The following WRN variants were observed in gnomAD, a reference collection of about 807,000 sequenced individuals.
WRN encodes the protein WRN RecQ like helicase, also known as bifunctional 3'-5' exonuclease/ATP-dependent helicase WRN.
WRN carries 149 observed loss-of-function variants against 180.7 expected under a neutral mutation model. The ratio of observed to expected loss-of-function variants is 0.82; its 90% confidence interval spans 0.72 to 0.94. The LOEUF is 0.94. Among genes scored for constraint, WRN ranks in the 40% least tolerant of loss-of-function variants. The probability of loss-of-function intolerance (pLI) is 0.00; values close to 1 mark genes in which losing one functional copy is unlikely to be tolerated. For missense variants in WRN, 1,661 were observed against 1,700.1 expected (o/e 0.98, Z 0.40); for synonymous variants, 548 against 568.9 (o/e 0.96, Z 0.52).
chr8:31,050,712 T>G (rs569052207), intron 1 of WRN, among the ~76,000 whole-genome samples: 1 of 152,258 alleles, frequency 6.6e-6, no homozygotes, highest in East Asian at 1.9e-4. Flanking sequence ...GCTTTCTTCT[T>G]CAGAGAAACA....
intron 1 of WRN, among the ~76,000 whole-genome samples, chr8:31,035,750 A>G (rs1585378068): frequency 1.3e-5 from 2 of 152,288 alleles, no homozygotes; most frequent in East Asian, 3.9e-4. Context: ...TTGAGATATA[A>G]TTAATATATC....
Position 31,068,308 on chromosome 8 carries a change from A to G in WRN, c.705A>G (p.Gln235=), listed in dbSNP as rs2130056709. The change falls in exon 7 of 35, where the codon CAA becomes CAG. Residue 235 remains glutamine, a synonymous_variant. Transcript: ENST00000298139. Reference sequence around the variant, plus strand: ...TAGAGATTTTGGATGATACTGTGCAAAGGTTTGCTATAAATAAAGGTATGT... The same window carrying G: ...TAGAGATTTTGGATGATACTGTGCAGAGGTTTGCTATAAATAAAGGTATGT... ...RNLEILDDTV[Q]RFAINKEEEI... is the part of the protein sequence containing the mutation. 6.2e-7 allele frequency: 1 copy of G among 1,608,554 alleles called. No homozygotes were observed. Among genetic ancestry groups the G allele is most frequent in the Non-Finnish European group, 8.5e-7 (1 of 1,175,772 alleles).
In WRN at chr8:31,146,956, A is replaced by C; in HGVS notation, c.3384-97A>C. 4.0e-6 allele frequency: 4 copies of C among 1,004,336 alleles called. No individual in the cohort carries two copies. In the East Asian group the frequency reaches 1.1e-4, roughly 27 times the overall value. 62.2% of individuals were successfully genotyped at this position (1,004,336 alleles called of 1,614,324 possible). On this transcript the variant is annotated intron_variant, in intron 28 of 34. Transcript: ENST00000298139. ...GGTATCATGAAGAATAAATGTTTGT[A>C]CTGATTTGGAAAGACATTCTCATTT...
intron 18 of WRN, among the ~76,000 whole-genome samples, chr8:31,103,485 T>G (rs1800960009): frequency 6.6e-6 from 1 of 152,164 alleles, no homozygotes; most frequent in Admixed American, 6.5e-5. Context: ...ATTTTTCAGC[T>G]CCATTATAAT....
At chr8:31,105,150 T>C (rs1801045351) in intron 18 of WRN, among the ~76,000 whole-genome samples, 2 of 152,198 alleles carry the variant, frequency 1.3e-5, no homozygotes, top group Non-Finnish European at 1.5e-5. Context: ...AAGTTTATAT[T>C]GAGGGAAAAT....
intron 17 of WRN, among the ~76,000 whole-genome samples, chr8:31,100,589 G>A (rs994126423): frequency 5.3e-5 from 8 of 152,218 alleles, no homozygotes; most frequent in African/African-American, 1.7e-4. Context: ...AGTGATGAAA[G>A]CTGAGATCCA....
intron 23 of WRN, among the ~76,000 whole-genome samples, chr8:31,130,998 A>G (rs1377075512): frequency 1.3e-5 from 2 of 151,988 alleles, no homozygotes; most frequent in Non-Finnish European, 2.9e-5. Context: ...GTCAATCTAA[A>G]CATATTATTG....
chr8:31,141,838 A>G, intron 26 of WRN, 63 bp downstream of exon 26: 2 of 1,489,090 alleles, frequency 1.3e-6, no homozygotes, highest in Non-Finnish European at 1.9e-6. Flanking sequence ...TGTGATTCAA[A>G]TTATACCAGT....
Position 31,076,189 on chromosome 8 carries a change from T to C in WRN, c.741T>C (p.Leu247=), listed in dbSNP as rs1813086648. 6.2e-7 allele frequency: 1 copy of C among 1,613,728 alleles called. No individual in the cohort carries two copies. Among genetic ancestry groups the C allele is most frequent in the Non-Finnish European group, 8.5e-7 (1 of 1,179,860 alleles). The part of the protein sequence containing the change: ...FAINKEEEIL[L]SDMNKQLTSI... ...TCCCCCTAGAGGAAGAAATCCTACT[T>C]AGCGACATGAACAAACAGTTGACTT... The change falls in exon 8 of 35, where the codon CTT becomes CTC. Residue 247 remains leucine, a synonymous_variant. Transcript: ENST00000298139.
At chr8:31,155,582 A>T (rs1412059689) in intron 32 of WRN, among the ~76,000 whole-genome samples, 1 of 148,576 alleles carries the variant, frequency 6.7e-6, no homozygotes, top group Non-Finnish European at 1.5e-5. Flanking sequence ...AGATTGCGAC[A>T]CTGCATTCCA....
intron 17 of WRN, among the ~76,000 whole-genome samples, chr8:31,099,926 G>T (rs1254275951): frequency 6.6e-6 from 1 of 152,072 alleles, no homozygotes; most frequent in African/African-American, 2.4e-5. Context: ...TAAGTAACTT[G>T]CTTAAGGTAA....
intron 17 of WRN, among the ~76,000 whole-genome samples, chr8:31,100,342 A>G (rs1458778784): frequency 6.6e-6 from 1 of 152,206 alleles, no homozygotes. Context: ...ATTTTACATT[A>G]GAAAATGTGG....
chr8:31,103,790 A>C (rs891481624), intron 18 of WRN, among the ~76,000 whole-genome samples: 15 of 152,042 alleles, frequency 9.9e-5, no homozygotes, highest in African/African-American at 3.6e-4. Context: ...GCTGGAATGC[A>C]GTGGCGCGAT....
intron 19 of WRN, among the ~76,000 whole-genome samples, chr8:31,114,050 A>G (rs573941599): frequency 6.6e-6 from 1 of 152,214 alleles, no homozygotes; most frequent in South Asian, 2.1e-4. Context: ...ATCCTCCAAG[A>G]AGACTTAGGA....
intron 18 of WRN, among the ~76,000 whole-genome samples, chr8:31,110,461 CTT>C (rs1801268657): frequency 1.3e-5 from 2 of 152,024 alleles, no homozygotes; most frequent in South Asian, 2.1e-4. Flanking sequence ...AAAACCTACT[CTT>C]AAACTTAATT....
intron 24 of WRN, among the ~76,000 whole-genome samples, chr8:31,137,396 C>T (rs546155991): frequency 6.6e-6 from 1 of 152,022 alleles, no homozygotes; most frequent in Admixed American, 6.6e-5. Flanking sequence ...GAACTTAATA[C>T]CTTTGAAGTT....
chr8:31,064,284 T>C lies in WRN; in HGVS notation c.210-5T>C. On this transcript the variant is annotated splice_region_variant and splice_polypyrimidine_tract_variant and intron_variant, in intron 3 of 34. Transcript: ENST00000298139. ...AATTAATTTACACTATTTTTCTCAC[T>C]TTAGCATGAGTCTATCAGATGGGGA... 3 of 1,614,058 alleles carry C rather than the reference T, an allele frequency of 1.9e-6. 1 individual carries two copies. The highest frequency in any genetic ancestry group is 3.3e-5 in the Admixed American group (2 of 60,014).
chr8:31,153,026 GAA>G (rs112947160), intron 31 of WRN, among the ~76,000 whole-genome samples: 13 of 129,432 alleles, frequency 1.0e-4, no homozygotes, highest in African/African-American at 3.0e-4. Context: ...CTGAGTGATA[GAA>G]AAAAAAAAAA....
At chr8:31,127,004 T>A (rs959221846) in intron 23 of WRN, among the ~76,000 whole-genome samples, 2 of 152,168 alleles carry the variant, frequency 1.3e-5, no homozygotes, top group Non-Finnish European at 2.9e-5. Context: ...TTCTTGATAA[T>A]CTCAAGCTAA....
Sources: allele counts gnomAD v4.1 joint callset (sites outside exome capture counted in the v4.1 genomes callset), GRCh38; gene constraint gnomAD v4.1.1; transcripts MANE v1.5; gene names NCBI Gene and HGNC (gene_info 2026-07-23, HGNC 2026-07-21).